FAM13A: variants seen among roughly 807,000 people sequenced by gnomAD.
The protein encoded by FAM13A is protein FAM13A.
FAM13A carries 76 observed loss-of-function variants against 129.6 expected under a neutral mutation model. That is an observed-to-expected ratio of 0.59 (90% CI 0.49 to 0.71). The LOEUF is 0.71. Among genes scored for constraint, FAM13A ranks in the 30% least tolerant of loss-of-function variants. The probability of loss-of-function intolerance (pLI) is 0.00; values close to 1 mark genes in which losing one functional copy is unlikely to be tolerated. For synonymous variants in FAM13A, 443 were observed against 449.9 expected, an observed-to-expected ratio of 0.98 and a Z score of 0.20; for missense variants, 1,108 against 1,249.3, an observed-to-expected ratio of 0.89 and a Z score of 1.70.
chr4:88,889,219 C>T (rs1042798674), intron 6 of FAM13A, among the ~76,000 whole-genome samples: 1 of 151,992 alleles, frequency 6.6e-6, no homozygotes, highest in African/African-American at 2.4e-5. Flanking sequence ...TTATACTGTC[C>T]CATTTGTATA....
intron 6 of FAM13A, among the ~76,000 whole-genome samples, chr4:88,899,998 C>T (rs963943205): frequency 3.3e-5 from 5 of 152,032 alleles, no homozygotes; most frequent in African/African-American, 1.2e-4. Context: ...TCACAAGTAT[C>T]AATGCAGAAT....
At chr4:88,876,328 A>C (rs577156571) in intron 6 of FAM13A, among the ~76,000 whole-genome samples, 43 of 152,316 alleles carry the variant, frequency 2.8e-4, no homozygotes, top group African/African-American at 8.9e-4. Flanking sequence ...ATGCAAGCTT[A>C]AAAGCAAAAA....
chr4:89,021,601 A>G (rs1767263169), intron 2 of FAM13A, among the ~76,000 whole-genome samples: 1 of 152,204 alleles, frequency 6.6e-6, no homozygotes, highest in Non-Finnish European at 1.5e-5. Flanking sequence ...GGTCTGTGAC[A>G]AGTTAAAGAG....
Position 88,768,151 on chromosome 4 carries a change from T to C in FAM13A, c.1459-92A>G, listed in dbSNP as rs28378696. The C allele has an allele frequency of 4.3e-3, 2,842 of 663,876 alleles. 59 individuals carry two copies. In the African/African-American group the frequency reaches 0.048, roughly 11 times the overall value. The allele number at this position is 663,876 out of a possible 1,614,324, so 41.1% of individuals were successfully genotyped here. ...TCTTTAAAATAGAAAAATCAAATAA[T>C]ATGTATATATAAACTAATTCTAGTC... On this transcript the variant is annotated intron_variant, in intron 11 of 23. Transcript: ENST00000264344.
At chr4:88,753,611 A>G (rs1312266524) in intron 14 of FAM13A, 37 of 916,680 alleles carry the variant, frequency 4.0e-5, no homozygotes, top group Non-Finnish European at 4.7e-5. Flanking sequence ...GCAACACAAA[A>G]TGCTTACCTG....
intron 14 of FAM13A, among the ~76,000 whole-genome samples, chr4:88,757,825 A>G (rs1466536893): frequency 1.3e-5 from 2 of 152,216 alleles, no homozygotes; most frequent in Non-Finnish European, 2.9e-5. Context: ...TGGTTAAGAA[A>G]GAGAGGAAAG....
At chr4:88,865,878 C>CTTTTTTTTTT (rs34865210) in intron 6 of FAM13A, among the ~76,000 whole-genome samples, 2 of 83,196 alleles carry the variant, frequency 2.4e-5, no homozygotes, top group African/African-American at 5.2e-5. Context: ...TTGTCTCTCT[C>CTTTTTTTTTT]TTTTTTTTTT....
chr4:88,976,286 G>A (rs1169378820), intron 4 of FAM13A, among the ~76,000 whole-genome samples: 1 of 152,086 alleles, frequency 6.6e-6, no homozygotes, highest in Non-Finnish European at 1.5e-5. Context: ...CTTAATCACT[G>A]CATTCTCACA....
chr4:88,948,096 G>C (rs1164804757), intron 4 of FAM13A, among the ~76,000 whole-genome samples: 1 of 152,062 alleles, frequency 6.6e-6, no homozygotes, highest in East Asian at 1.9e-4. Context: ...TTAAACACTG[G>C]CTCCTAATAT....
intron 7 of FAM13A, among the ~76,000 whole-genome samples, chr4:88,809,027 T>C (rs533125261): frequency 1.3e-5 from 2 of 152,274 alleles, no homozygotes; most frequent in South Asian, 2.1e-4. Flanking sequence ...CAGCTTGACA[T>C]TGGTTAATGC....
chr4:88,728,671 A>G lies in FAM13A; in HGVS notation c.2946-12T>C, dbSNP rs1393058456. The G allele has an allele frequency of 9.3e-6, 15 of 1,613,812 alleles. No individual in the cohort carries two copies. The highest frequency in any genetic ancestry group is 1.3e-5 in the African/African-American group (1 of 74,926). On this transcript the variant is annotated splice_polypyrimidine_tract_variant and intron_variant, in intron 23 of 23. Transcript: ENST00000264344. ...CCTTCTGGACATTTCTAATGCAAAT[A>G]AAGGAAAAAGGGGTCTGAGGATCAT...
chr4:89,036,291 G>C (rs1189150780), intron 1 of FAM13A, among the ~76,000 whole-genome samples: 1 of 152,166 alleles, frequency 6.6e-6, no homozygotes, highest in Non-Finnish European at 1.5e-5. Context: ...CTTTAGCAAA[G>C]GAAGTGGCAG....
At chr4:88,828,657 T>G (rs979838075) in intron 7 of FAM13A, among the ~76,000 whole-genome samples, 6 of 152,234 alleles carry the variant, frequency 3.9e-5, no homozygotes, top group African/African-American at 1.4e-4. Flanking sequence ...TCAATTACTC[T>G]TCTATAGATT....
At position 88,737,478 on chromosome 4, in the gene FAM13A, C is replaced by G. The variant is rs1469066919; in HGVS notation, c.2640G>C (p.Glu880Asp). The G allele has an allele frequency of 6.2e-7, 1 of 1,613,800 alleles. No homozygotes were observed. The change falls in exon 21 of 24, where the codon GAG becomes GAC. Residue 880 changes from glutamate to aspartate, a missense_variant. Glu to Asp is a conservative substitution (Grantham distance 45). Transcript: ENST00000264344. ...IEGETASFFK[E>D]IKEEEEGSED... ...TAGCAGCTGGGGTCTTCACCTTTAT[C>G]TCCTTGAAGAAGGAAGCAGTTTCGC...
intron 3 of FAM13A, among the ~76,000 whole-genome samples, chr4:89,002,444 A>C (rs1471924113): frequency 6.6e-6 from 1 of 152,198 alleles, no homozygotes; most frequent in Non-Finnish European, 1.5e-5. Context: ...AGATTAGTGA[A>C]AAGTCTGCTA....
intron 19 of FAM13A, 120 bp downstream of exon 19, chr4:88,746,812 T>A: frequency 1.4e-6 from 1 of 690,402 alleles, no homozygotes; most frequent in Non-Finnish European, 2.6e-6. Context: ...TAACCTCCTT[T>A]ATCCTAAAAG....
At chr4:88,982,031 T>A (rs778127527) in intron 4 of FAM13A, among the ~76,000 whole-genome samples, 7 of 152,146 alleles carry the variant, frequency 4.6e-5, no homozygotes, top group Admixed American at 4.6e-4. Context: ...AGAAGAAGAA[T>A]CTAGCATTCC....
intron 5 of FAM13A, chr4:88,937,879 C>A: frequency 1.7e-6 from 1 of 574,248 alleles, no homozygotes. Flanking sequence ...AACAAGAAAA[C>A]ATAAAATTGC....
At chr4:88,840,097 T>C (rs1278620163) in intron 7 of FAM13A, among the ~76,000 whole-genome samples, 1 of 152,156 alleles carries the variant, frequency 6.6e-6, no homozygotes, top group Admixed American at 6.5e-5. Flanking sequence ...AGAAAAGATA[T>C]CCAGGAAGGC....
Sources: allele counts gnomAD v4.1 joint callset (sites outside exome capture counted in the v4.1 genomes callset), GRCh38; gene constraint gnomAD v4.1.1; transcripts MANE v1.5; gene names NCBI Gene and HGNC (gene_info 2026-07-23, HGNC 2026-07-21).